Variants in PBX1 observed in about 807,000 individuals in gnomAD.
PBX1 encodes the protein pre-B-cell leukemia transcription factor 1.
PBX1 carries 6 observed loss-of-function variants against 53.4 expected under a neutral mutation model. The observed-to-expected ratio is 0.11, with a 90% CI of 0.06 to 0.22. PBX1 has a LOEUF of 0.22. PBX1 is among the 10% of genes least tolerant of loss of function. The probability of loss-of-function intolerance (pLI) is 1.00; values close to 1 mark genes in which losing one functional copy is unlikely to be tolerated. For missense variants in PBX1, 251 were observed against 551.4 expected (o/e 0.46, Z 5.46); for synonymous variants, 204 against 212.3 (o/e 0.96, Z 0.34).
intron 8 of PBX1, among the ~76,000 whole-genome samples, chr1:164,841,763 G>A (rs1671304063): frequency 6.6e-6 from 1 of 152,084 alleles, no homozygotes; most frequent in Non-Finnish European, 1.5e-5. Context: ...GTGGCTCTGT[G>A]TGTGTTTGCA....
rs138202408 is a variant in PBX1 at position 164,741,831 on chromosome 1, C to T, written c.266-50663C>T. Among the ~76,000 whole-genome samples, 804 of 151,200 alleles carry T rather than the reference C, an allele frequency of 5.3e-3. 8 individuals carry two copies. The highest frequency in any genetic ancestry group is 0.03 in the South Asian group (141 of 4,760). On this transcript the variant is annotated intron_variant, in intron 2 of 8. Transcript: ENST00000420696. Reference sequence around the variant, plus strand: ...GAAGTACTAGGGTGAAAATCACCTACGTTTCCAGAGGAAAAAAATGTCACC... The same window carrying T: ...GAAGTACTAGGGTGAAAATCACCTATGTTTCCAGAGGAAAAAAATGTCACC...
chr1:164,564,396 A>C (rs1197848176), intron 2 of PBX1, among the ~76,000 whole-genome samples: 1 of 152,164 alleles, frequency 6.6e-6, no homozygotes, highest in Non-Finnish European at 1.5e-5. Flanking sequence ...TGATAGTTAC[A>C]CATAAAAAAT....
intron 4 of PBX1, among the ~76,000 whole-genome samples, chr1:164,807,315 A>G (rs1002380616): frequency 2.0e-5 from 3 of 152,188 alleles, no homozygotes; most frequent in Non-Finnish European, 4.4e-5. Flanking sequence ...CTACTCTGCA[A>G]AAATATCTGT....
intron 2 of PBX1, among the ~76,000 whole-genome samples, chr1:164,788,332 G>A (rs1333389596): frequency 6.6e-6 from 1 of 151,782 alleles, no homozygotes; most frequent in African/African-American, 2.4e-5. Flanking sequence ...TAAATAGGTA[G>A]CATCAGTTCT....
At chr1:164,867,215 C>T (rs1006088976) in intron 2 of PBX1, among the ~76,000 whole-genome samples, 1 of 152,132 alleles carries the variant, frequency 6.6e-6, no homozygotes, top group Non-Finnish European at 1.5e-5. Context: ...TCTTCTTCAT[C>T]AGTAGAGCGG....
Position 164,848,407 on chromosome 1 carries a change from C to A in PBX1, c.*1731C>A. The stretch of plus-strand genomic sequence containing the variant: ...GGCTTACTAAGAGTCTTGTGAGAGA[C>A]TGAGAAGTTGATTTTGTTCATATCC... On this transcript the variant is annotated 3_prime_UTR_variant, in exon 9 of 9. Coordinates refer to ENST00000420696, the MANE Select transcript of PBX1 (RefSeq NM_002585.4). The A allele has an allele frequency of 9.5e-7, 1 of 1,055,164 alleles. No individual in the cohort carries two copies. 65.4% of individuals were successfully genotyped at this position (1,055,164 alleles called of 1,614,324 possible).
intron 2 of PBX1, among the ~76,000 whole-genome samples, chr1:164,575,992 G>A (rs1245168618): frequency 6.6e-6 from 1 of 151,718 alleles, no homozygotes; most frequent in African/African-American, 2.4e-5. Flanking sequence ...GGAAGAATGG[G>A]AAAAAAGAAA....
At chr1:164,741,234 G>A (rs932043428) in intron 2 of PBX1, among the ~76,000 whole-genome samples, 1 of 152,204 alleles carries the variant, frequency 6.6e-6, no homozygotes, top group African/African-American at 2.4e-5. Flanking sequence ...GACTCATGAA[G>A]TGAAGGCAGC....
chr1:164,819,909 C>A (rs1011982849), intron 6 of PBX1, 163 bp from the exon 7 acceptor site: 15 of 586,792 alleles, frequency 2.6e-5, no homozygotes, highest in Non-Finnish European at 4.3e-5. Context: ...TTATTGCTTG[C>A]TCTGTTCTTC....
chr1:164,565,791 G>A (rs776939204), intron 2 of PBX1, among the ~76,000 whole-genome samples: 1 of 151,462 alleles, frequency 6.6e-6, no homozygotes, highest in African/African-American at 2.4e-5. Context: ...TACAGAGCTG[G>A]TGAAAACATC....
intron 2 of PBX1, among the ~76,000 whole-genome samples, chr1:164,858,474 C>T (rs1253992092): frequency 3.3e-5 from 5 of 151,862 alleles, no homozygotes; most frequent in Non-Finnish European, 5.9e-5. Flanking sequence ...CACACACACA[C>T]ACACGCTGTG....
At chr1:164,707,571 G>C (rs770753842) in intron 2 of PBX1, among the ~76,000 whole-genome samples, 11 of 152,016 alleles carry the variant, frequency 7.2e-5, no homozygotes, top group Non-Finnish European at 1.3e-4. Flanking sequence ...AGAATAAGAA[G>C]AACCCAATGC....
At chr1:164,777,779 T>TTTAG (rs1667743254) in intron 2 of PBX1, among the ~76,000 whole-genome samples, 2 of 152,218 alleles carry the variant, frequency 1.3e-5, no homozygotes, top group Non-Finnish European at 2.9e-5. Flanking sequence ...AGCAGAAATC[T>TTTAG]CTTAGTCTAT....
chr1:164,591,746 G>C (rs1188716159), intron 2 of PBX1, among the ~76,000 whole-genome samples: 1 of 152,206 alleles, frequency 6.6e-6, no homozygotes, highest in East Asian at 1.9e-4. Context: ...TAGCAGACTT[G>C]TGCAGGTTTT....
intron 2 of PBX1, among the ~76,000 whole-genome samples, chr1:164,661,424 G>GTTTT (rs60440122): frequency 3.1e-5 from 4 of 127,986 alleles, no homozygotes; most frequent in Admixed American, 8.0e-5. Context: ...CTGTAAGCCA[G>GTTTT]TTTTTTTTTT....
intron 2 of PBX1, among the ~76,000 whole-genome samples, chr1:164,776,122 C>A (rs752695004): frequency 7.9e-5 from 12 of 152,116 alleles, no homozygotes; most frequent in Non-Finnish European, 1.6e-4. Context: ...AGGAATGGGT[C>A]TTTGATTTAG....
intron 8 of PBX1, among the ~76,000 whole-genome samples, chr1:164,833,038 A>T (rs1670844892): frequency 6.6e-6 from 1 of 152,194 alleles, no homozygotes; most frequent in Non-Finnish European, 1.5e-5. Context: ...ATTAATAGCT[A>T]ACATTTATTG....
At chr1:164,870,297 CT>C (rs1296102092) in intron 2 of PBX1, among the ~76,000 whole-genome samples, 4 of 49,690 alleles carry the variant, frequency 8.0e-5, no homozygotes, top group Admixed American at 6.8e-4. Flanking sequence ...TTCTTTCTTT[CT>C]TTCTTTCTTT....
chr1:164,560,179 G>A (rs1379310067), intron 1 of PBX1, 166 bp downstream of exon 1: 1 of 554,120 alleles, frequency 1.8e-6, no homozygotes, highest in Non-Finnish European at 3.1e-6. Context: ...ATTTGAAGGA[G>A]CGTTGTTATC....
Sources: allele counts gnomAD v4.1 joint callset (sites outside exome capture counted in the v4.1 genomes callset), GRCh38; gene constraint gnomAD v4.1.1; transcripts MANE v1.5; gene names NCBI Gene and HGNC (gene_info 2026-07-23, HGNC 2026-07-21).